Variants in MBNL1 observed in about 807,000 individuals in gnomAD.
MBNL1 encodes the protein muscleblind-like protein 1.
A neutral mutation model predicts 42.2 loss-of-function variants in MBNL1; 8 were observed. The ratio of observed to expected loss-of-function variants is 0.19; its 90% CI spans 0.11 to 0.34. The LOEUF is 0.34. Among genes scored for constraint, MBNL1 ranks in the 10% least tolerant of loss-of-function variants. The pLI is 1.00. For missense variants in MBNL1, 309 were observed against 495.3 expected (o/e 0.62, Z 3.57); for synonymous variants, 169 against 173.9 (o/e 0.97, Z 0.22).
At chr3:152,343,482 G>A (rs1027063525) in intron 2 of MBNL1, among the ~76,000 whole-genome samples, 1 of 152,058 alleles carries the variant, frequency 6.6e-6, no homozygotes, top group African/African-American at 2.4e-5. Context: ...TGCAACTTTA[G>A]AACAGTGTCT....
chr3:152,398,438 C>T (rs192692168), intron 2 of MBNL1, among the ~76,000 whole-genome samples: 2 of 151,824 alleles, frequency 1.3e-5, no homozygotes, highest in East Asian at 3.9e-4. Flanking sequence ...AATATTATGG[C>T]TGAATATGTC....
chr3:152,327,922 AT>A (rs1323950516), intron 2 of MBNL1, among the ~76,000 whole-genome samples: 6 of 152,018 alleles, frequency 3.9e-5, no homozygotes, highest in Non-Finnish European at 8.8e-5. Context: ...GAAAAATCAG[AT>A]GTTTCTGTTT....
chr3:152,313,163 C>T (rs774642378), intron 2 of MBNL1, among the ~76,000 whole-genome samples: 4 of 152,072 alleles, frequency 2.6e-5, no homozygotes, highest in Admixed American at 6.5e-5. Flanking sequence ...GCTGGAATTA[C>T]AGGCGTGCAC....
chr3:152,431,835 T>C (rs1036718922), intron 3 of MBNL1, among the ~76,000 whole-genome samples: 1 of 152,224 alleles, frequency 6.6e-6, no homozygotes, highest in African/African-American at 2.4e-5. Flanking sequence ...AACAAATTGT[T>C]AGATTTCAGG....
At chr3:152,342,515 A>G (rs538718803) in intron 2 of MBNL1, among the ~76,000 whole-genome samples, 1 of 151,310 alleles carries the variant, frequency 6.6e-6, no homozygotes, top group South Asian at 2.1e-4. Flanking sequence ...TTGAGTCAGA[A>G]TTCAGGCCCA....
rs116234726 is a variant in MBNL1, at chr3:152,450,229, T to C, written c.961+2456T>C. 8.3e-3 allele frequency among the ~76,000 whole-genome samples: 1,267 copies of C among 152,262 alleles called. 20 individuals are homozygous for C. The highest frequency in any genetic ancestry group is 0.029 in the African/African-American group (1,187 of 41,556). On this transcript the variant is annotated intron_variant, in intron 6 of 9. Transcript: ENST00000324210. ...TTAGTAACATAAAATAACATTTATT[T>C]GCAACTCAGTTATAAGGGCCTGAAA...
Position 152,432,795 on chromosome 3 carries a change from C to T in MBNL1, c.424C>T (p.Pro142Ser). Reference sequence around the variant, plus strand: ...TAATCCCTATCTGGGACCTGTTTCTCCAAGCCTGGTCCCGGCAGAGATCTT... The same window carrying T: ...TAATCCCTATCTGGGACCTGTTTCTTCAAGCCTGGTCCCGGCAGAGATCTT... ...AFNPYLGPVS[P>S]SLVPAEILPT... Residue 142 changes from proline to serine, a missense_variant, in exon 4 of 10, where the codon CCA (proline) becomes TCA (serine). Physicochemically the swap from Pro to Ser is moderately conservative, Grantham distance 74. Transcript: ENST00000324210. 9 of 1,614,166 alleles carry T rather than the reference C, an allele frequency of 5.6e-6. No individual in the cohort carries two copies. Among genetic ancestry groups the T allele is most frequent in the Non-Finnish European group, 7.6e-6 (9 of 1,180,022 alleles).
Position 152,463,626 on chromosome 3 carries a change from T to TTTTTGTTTTG in MBNL1, c.*1273_*1282dup, listed in dbSNP as rs912259135. On this transcript the variant is annotated 3_prime_UTR_variant, in exon 10 of 10. Coordinates refer to ENST00000324210, the MANE Select transcript of MBNL1 (RefSeq NM_021038.5). ...GTACATGGGTGAATTTTATATGTGATTTTTGTTTTGTTTTGTTTTGTTCAG... is the reference window on the plus strand; with the variant it reads ...GTACATGGGTGAATTTTATATGTGATTTTTGTTTTGTTTTGTTTTGTTTTGTTTTGTTCAG... 6.6e-6 allele frequency: 1 copy of TTTTTGTTTTG among 152,474 alleles called. No individual in the cohort carries two copies. The highest frequency in any genetic ancestry group is 1.5e-5 in the Non-Finnish European group (1 of 67,934). 9.4% of individuals were successfully genotyped at this position (152,474 alleles called of 1,614,324 possible). A position where few individuals can be genotyped will look rare whatever the true frequency, so the allele number is the denominator to read the frequency against.
At chr3:152,333,122 G>A (rs935707872) in intron 2 of MBNL1, among the ~76,000 whole-genome samples, 4 of 152,114 alleles carry the variant, frequency 2.6e-5, no homozygotes, top group African/African-American at 9.7e-5. Flanking sequence ...AATTTGCCAA[G>A]GATGGGAATG....
At chr3:152,366,425 A>G (rs1183710343) in intron 2 of MBNL1, among the ~76,000 whole-genome samples, 1 of 152,156 alleles carries the variant, frequency 6.6e-6, no homozygotes, top group Non-Finnish European at 1.5e-5. Context: ...TGTGTGAGTC[A>G]TCTTGCCGAG....
intron 2 of MBNL1, among the ~76,000 whole-genome samples, chr3:152,336,197 G>A (rs998649984): frequency 9.7e-5 from 13 of 134,114 alleles, no homozygotes; most frequent in South Asian, 4.5e-4. Flanking sequence ...AGCTTCATAA[G>A]TGAATAAACC....
rs199543138 is a variant in MBNL1, at chr3:152,414,997, G to T, written c.231G>T (p.Thr77=). 4.0e-5 allele frequency: 65 copies of T among 1,608,464 alleles called. No homozygotes were observed. Among genetic ancestry groups the T allele is most frequent in the Non-Finnish European group, 5.1e-5 (60 of 1,178,306 alleles). The change falls in exon 3 of 10, where the codon ACG becomes ACT. Residue 77 remains threonine (T), a synonymous_variant. Transcript: ENST00000324210. Reference sequence around the variant, plus strand: ...TTCATCCACCCCCACATTTAAAAACGCAGTTGGAGATAAATGGACGCAATA... The same window carrying T: ...TTCATCCACCCCCACATTTAAAAACTCAGTTGGAGATAAATGGACGCAATA... ...KYLHPPPHLK[T]QLEINGRNNL...
intron 3 of MBNL1, among the ~76,000 whole-genome samples, chr3:152,421,626 C>T (rs1580115840): frequency 6.6e-6 from 1 of 151,934 alleles, no homozygotes; most frequent in Admixed American, 6.6e-5. Flanking sequence ...GAAGAGCAAC[C>T]CCAAGACATA....
At chr3:152,269,327 A>G (rs1419780208) in intron 1 of MBNL1, 3 of 348,930 alleles carry the variant, frequency 8.6e-6, no homozygotes, top group Admixed American at 3.9e-5. Flanking sequence ...GGCTCTGCGG[A>G]CGCTGTCACG....
At chr3:152,248,823 T>C in intron 2 of MBNL1, among the ~76,000 whole-genome samples, 1 of 151,674 alleles carries the variant, frequency 6.6e-6, no homozygotes. Flanking sequence ...TGTGTCCATG[T>C]GTTCTCATTG....
At chr3:152,270,283 G>A (rs1235592888) in intron 1 of MBNL1, among the ~76,000 whole-genome samples, 1 of 152,146 alleles carries the variant, frequency 6.6e-6, no homozygotes, top group African/African-American at 2.4e-5. Flanking sequence ...TATACTCTGA[G>A]GAGTTTCTTA....
At chr3:152,249,099 G>C (rs1367535476) in intron 2 of MBNL1, among the ~76,000 whole-genome samples, 5 of 145,798 alleles carry the variant, frequency 3.4e-5, no homozygotes, top group Non-Finnish European at 7.6e-5. Context: ...TGTCTTTATA[G>C]CAGCATGATT....
chr3:152,458,261 A>C (rs1007656874), intron 8 of MBNL1: 2 of 1,385,540 alleles, frequency 1.4e-6, no homozygotes, highest in Admixed American at 3.4e-5. Context: ...AAATTGTGTA[A>C]AAATGTCAGC....
At chr3:152,458,621 G>A (rs181330069) in intron 8 of MBNL1, 8 of 165,422 alleles carry the variant, frequency 4.8e-5, no homozygotes, top group Non-Finnish European at 9.3e-5. Context: ...CTACAAATCC[G>A]AAGTTCTTAA....
Sources: allele counts gnomAD v4.1 joint callset (sites outside exome capture counted in the v4.1 genomes callset), GRCh38; gene constraint gnomAD v4.1.1; transcripts MANE v1.5; gene names NCBI Gene and HGNC (gene_info 2026-07-23, HGNC 2026-07-21).